SCN9A: variants seen among roughly 807,000 people sequenced by gnomAD.
SCN9A encodes sodium voltage-gated channel alpha subunit 9.
SCN9A carries 131 observed loss-of-function variants against 187.0 expected under a neutral mutation model. That is an observed-to-expected ratio of 0.70 (90% CI 0.61 to 0.81). The LOEUF (loss-of-function observed/expected upper bound fraction) is 0.81, where lower values mean the gene tolerates loss of function less well. Ranked by LOEUF, SCN9A falls within the 30% of genes least tolerant of loss-of-function variation. SCN9A has a pLI of 0.00. For missense variants in SCN9A, 2,252 were observed against 2,396.6 expected (o/e 0.94, Z 1.26); for synonymous variants, 809 against 808.6 (o/e 1.00, Z -0.01).
intron 17 of SCN9A, among the ~76,000 whole-genome samples, chr2:166,252,550 T>TA (rs1286903843): frequency 6.6e-6 from 1 of 151,832 alleles, no homozygotes; most frequent in Non-Finnish European, 1.5e-5. Context: ...CATTTTAGTA[T>TA]ATAGTAGAAA....
In SCN9A at chr2:166,197,635, T is replaced by G. The variant is rs1043799166; in HGVS notation, c.*1037A>C. 1.3e-5 allele frequency: 2 copies of G among 152,142 alleles called. No individual in the cohort carries two copies. Among genetic ancestry groups the G allele is most frequent in the African/African-American group, 4.8e-5 (2 of 41,456 alleles). The allele number at this position is 152,142 out of a possible 1,614,324, so 9.4% of individuals were successfully genotyped here. A position where few individuals can be genotyped will look rare whatever the true frequency, so the allele number is the denominator to read the frequency against. On this transcript the variant is annotated 3_prime_UTR_variant, in exon 27 of 27. Coordinates refer to ENST00000642356, the MANE Select transcript of SCN9A (RefSeq NM_001365536.1). ...TGATGCAATAAATACTGTGCCCAAG[T>G]TATTATCTGCTCAAGTATGTACCGT...
intron 26 of SCN9A, among the ~76,000 whole-genome samples, chr2:166,201,291 T>C (rs559903513): frequency 1.8e-4 from 26 of 147,580 alleles, no homozygotes; most frequent in African/African-American, 5.7e-4. Flanking sequence ...CATATACATA[T>C]ACATATACTA....
At position 166,203,828 on chromosome 2, in the gene SCN9A, C is replaced by A. The variant is rs567208358; in HGVS notation, c.4774+127G>T. On this transcript the variant is annotated intron_variant, in intron 26 of 26. Transcript: ENST00000642356. ...TTTGTTTTGCTTTTTAGGATTTTTT[C>A]ATTCTTTCATTGTACTGACTTACTC... is the stretch of plus-strand genomic sequence containing the variant. 4.5e-4 allele frequency: 285 copies of A among 633,494 alleles called. 1 individual carries two copies. Among genetic ancestry groups the A allele is most frequent in the Non-Finnish European group, 7.0e-4 (261 of 374,740 alleles). The allele number at this position is 633,494 out of a possible 1,614,324, so 39.2% of individuals were successfully genotyped here.
At chr2:166,209,005 C>T (rs953667231) in intron 24 of SCN9A, among the ~76,000 whole-genome samples, 1 of 152,184 alleles carries the variant, frequency 6.6e-6, no homozygotes, top group Non-Finnish European at 1.5e-5. Flanking sequence ...GGTCCAGTTT[C>T]ACTCTTGCCT....
intron 17 of SCN9A, among the ~76,000 whole-genome samples, chr2:166,260,632 A>G (rs1696467362): frequency 6.6e-6 from 1 of 151,784 alleles, no homozygotes; most frequent in Non-Finnish European, 1.5e-5. Context: ...AAGTACATGA[A>G]GTTTTTAGTG....
At chr2:166,296,316 A>AT (rs1376257359) in intron 7 of SCN9A, among the ~76,000 whole-genome samples, 5 of 152,238 alleles carry the variant, frequency 3.3e-5, no homozygotes, top group Admixed American at 3.3e-4. Context: ...TAGTTAAACT[A>AT]TTATACAATT....
intron 24 of SCN9A, among the ~76,000 whole-genome samples, chr2:166,213,459 C>CAAT (rs75970260): frequency 0.12 from 16,861 of 140,780 alleles, 1,041 homozygotes; most frequent in Non-Finnish European, 0.14. Flanking sequence ...CAAATTGAAC[C>CAAT]AATAATAATA....
intron 1 of SCN9A, among the ~76,000 whole-genome samples, chr2:166,319,756 A>G (rs1277012000): frequency 2.0e-5 from 3 of 152,158 alleles, no homozygotes; most frequent in Admixed American, 6.5e-5. Context: ...ATATACACAT[A>G]TATGTGTTAA....
chr2:166,346,993 T>C (rs569291008), intron 1 of SCN9A, among the ~76,000 whole-genome samples: 3 of 152,288 alleles, frequency 2.0e-5, no homozygotes, highest in Admixed American at 1.3e-4. Flanking sequence ...AAATAGGGAA[T>C]TGGGACTGGG....
At chr2:166,350,764 A>G (rs925978322) in intron 1 of SCN9A, among the ~76,000 whole-genome samples, 1 of 152,186 alleles carries the variant, frequency 6.6e-6, no homozygotes, top group Admixed American at 6.5e-5. Context: ...AAAAGGCAAA[A>G]GGTTATTCAA....
chr2:166,252,009 G>A (rs1407690558), intron 17 of SCN9A, 124 bp from the exon 18 acceptor site: 8 of 1,102,548 alleles, frequency 7.3e-6, no homozygotes, highest in African/African-American at 6.3e-5. Context: ...TAGTATGATG[G>A]CCATAAAAAA....
Position 166,228,950 on chromosome 2 carries a change from C to T in SCN9A, c.3947G>A (p.Gly1316Glu). 3 of 1,613,160 alleles carry T rather than the reference C, an allele frequency of 1.9e-6. No homozygotes were observed. Among genetic ancestry groups the T allele is most frequent in the Non-Finnish European group, 2.5e-6 (3 of 1,179,288 alleles). ...CACATTCATGATGGAAGGAATTGCT[C>T]CTATGAGTGCATTCACAACGACCTA... is the stretch of plus-strand genomic sequence containing the variant. ...GMRVVVNALI[G>E]AIPSIMNVLL... The change falls in exon 22 of 27, where the codon GGA becomes GAA. Residue 1316 changes from glycine to glutamate, a missense_variant. Physicochemically the swap from Gly to Glu is moderately conservative, Grantham distance 98 (BLOSUM62 -2). Transcript: ENST00000642356.
rs1694990639 is a variant in SCN9A at position 166,229,481 on chromosome 2, AT to A, written c.3925-510del. On this transcript the variant is annotated intron_variant, in intron 21 of 26. Coordinates refer to ENST00000642356, the MANE Select transcript of SCN9A (RefSeq NM_001365536.1). ...TATTGGTGTATATCAGGTAGGTGGA[AT>A]TATGACTGGACATCATTTTAATTTA... 3.3e-5 allele frequency among the ~76,000 whole-genome samples: 5 copies of A among 152,200 alleles called. No homozygotes were observed. The South Asian group carries it at 1.0e-3, about 32-fold the overall frequency.
At chr2:166,293,099 T>A (rs532419055) in intron 9 of SCN9A, 132 bp downstream of exon 9, 3 of 721,670 alleles carry the variant, frequency 4.2e-6, no homozygotes, top group Non-Finnish European at 6.7e-6. Flanking sequence ...AAAACACTTA[T>A]AATTTTGGTA....
intron 15 of SCN9A, chr2:166,277,729 GTCTT>G (rs1427236623): frequency 3.3e-5 from 7 of 212,654 alleles, no homozygotes; most frequent in Non-Finnish European, 5.5e-5. Context: ...GCTTTAAAAA[GTCTT>G]TATTTGTTTT....
In SCN9A at chr2:166,226,622, G is replaced by A. The variant is rs1449960512; in HGVS notation, c.4343C>T (p.Thr1448Ile). ...GATGACACCAATGAACAAGTTCAAA[G>A]TGAAGAATGACCCAAAGATGATAAA... ...VVFIIFGSFF[T>I]LNLFIGVIID... is the part of the protein sequence containing the mutation. Residue 1448 changes from threonine to isoleucine, a missense_variant, in exon 24 of 27, where the codon ACT becomes ATT. Thr to Ile is a moderately conservative substitution (Grantham distance 89). Around this residue, in one of 7 missense-constraint regions of SCN9A, gnomAD observed 368 missense variants for 408.6 expected, o/e 0.90. Coordinates refer to ENST00000642356, the MANE Select transcript of SCN9A (RefSeq NM_001365536.1). 3 of 1,588,818 alleles carry A rather than the reference G, an allele frequency of 1.9e-6. No individual in the cohort carries two copies. Among genetic ancestry groups the A allele is most frequent in the Non-Finnish European group, 2.6e-6 (3 of 1,166,750 alleles).
At chr2:166,296,080 T>A (rs2106509165) in intron 7 of SCN9A, 1 of 152,318 alleles carries the variant, frequency 6.6e-6, no homozygotes, top group African/African-American at 2.4e-5. Context: ...GAAGAAAGAC[T>A]ATGAAATCAG....
intron 1 of SCN9A, among the ~76,000 whole-genome samples, chr2:166,325,572 T>C (rs1438363008): frequency 1.3e-5 from 2 of 152,284 alleles, no homozygotes; most frequent in Non-Finnish European, 2.9e-5. Context: ...AATCTGTGTG[T>C]ATTTTCTTTT....
rs1045755830 is a variant in SCN9A, at chr2:166,227,866, A to G, written c.4207-143T>C. 3.2e-5 allele frequency: 20 copies of G among 620,442 alleles called. No individual in the cohort carries two copies. In the South Asian group the frequency reaches 3.4e-4, roughly 11 times the overall value. The allele number at this position is 620,442 out of a possible 1,614,324, so 38.4% of individuals were successfully genotyped here. ...TGTATTCAACATGTCCATTTAATGT[A>G]AAGATTTTTTTAAAAAGGACATATT... On this transcript the variant is annotated intron_variant, in intron 22 of 26. Coordinates refer to ENST00000642356, the MANE Select transcript of SCN9A (RefSeq NM_001365536.1).
Sources: allele counts gnomAD v4.1 joint callset (sites outside exome capture counted in the v4.1 genomes callset), GRCh38; gene constraint gnomAD v4.1.1; regional missense constraint gnomAD v4.1.1; transcripts MANE v1.5; gene names NCBI Gene and HGNC (gene_info 2026-07-23, HGNC 2026-07-21).